Variants in DLGAP1 observed in about 807,000 individuals in gnomAD.
DLGAP1 encodes disks large-associated protein 1.
Under a neutral mutation model 90.8 loss-of-function variants are expected in DLGAP1, and 11 were observed. The ratio of observed to expected loss-of-function variants is 0.12; its 90% CI spans 0.08 to 0.20. The LOEUF is 0.20. DLGAP1 is among the 10% of genes least tolerant of loss of function. The pLI is 1.00. For missense variants in DLGAP1, 1,050 were observed against 1,333.8 expected, an observed-to-expected ratio of 0.79 and a Z score of 3.31; for synonymous variants, 558 against 540.7, an observed-to-expected ratio of 1.03 and a Z score of -0.44.
chr18:4,310,149 C>T (rs1299728603), intron 1 of DLGAP1, among the ~76,000 whole-genome samples: 4 of 152,136 alleles, frequency 2.6e-5, no homozygotes, highest in Non-Finnish European at 5.9e-5. Context: ...CTGTGAAGGA[C>T]TTATACCAGG....
At chr18:3,765,292 G>A (rs1292613674) in intron 5 of DLGAP1, among the ~76,000 whole-genome samples, 1 of 150,544 alleles carries the variant, frequency 6.6e-6, no homozygotes, top group African/African-American at 2.4e-5. Context: ...CACCACGCCT[G>A]GCTAGTTTTT....
chr18:3,638,249 T>C (rs2058797185), intron 7 of DLGAP1, among the ~76,000 whole-genome samples: 1 of 37,184 alleles, frequency 2.7e-5, no homozygotes, highest in East Asian at 0.012. Context: ...GCCCGGCCCT[T>C]TTTTTTTTTT....
chr18:4,061,878 C>G (rs2075303178), intron 2 of DLGAP1, among the ~76,000 whole-genome samples: 1 of 152,012 alleles, frequency 6.6e-6, no homozygotes. Flanking sequence ...TGTTTTAATC[C>G]TCTTGAAAAG....
At chr18:4,122,499 G>A (rs1206094168) in intron 2 of DLGAP1, among the ~76,000 whole-genome samples, 1 of 152,202 alleles carries the variant, frequency 6.6e-6, no homozygotes, top group Non-Finnish European at 1.5e-5. Context: ...GGTTAGTCAT[G>A]AGGTCTAACC....
intron 2 of DLGAP1, among the ~76,000 whole-genome samples, chr18:4,049,526 T>C (rs988663094): frequency 2.0e-5 from 3 of 152,134 alleles, no homozygotes; most frequent in Non-Finnish European, 4.4e-5. Flanking sequence ...TGAACCTGAC[T>C]TCCCTCTGGG....
At chr18:3,749,376 C>T (rs2063408137) in intron 5 of DLGAP1, among the ~76,000 whole-genome samples, 1 of 151,952 alleles carries the variant, frequency 6.6e-6, no homozygotes, top group African/African-American at 2.4e-5. Context: ...TGATCTTGAA[C>T]TCATGACCTC....
At chr18:3,680,408 C>T (rs897800177) in intron 7 of DLGAP1, among the ~76,000 whole-genome samples, 1 of 152,194 alleles carries the variant, frequency 6.6e-6, no homozygotes, top group Admixed American at 6.5e-5. Flanking sequence ...ATCACAGAGT[C>T]TCAGCTTTCT....
chr18:3,929,717 A>G (rs1053866385), intron 3 of DLGAP1, among the ~76,000 whole-genome samples: 1 of 152,208 alleles, frequency 6.6e-6, no homozygotes, highest in Non-Finnish European at 1.5e-5. Flanking sequence ...CAGTAATACA[A>G]CCAAATTTAT....
chr18:4,326,121 G>T (rs1213406310), intron 1 of DLGAP1, among the ~76,000 whole-genome samples: 1 of 152,020 alleles, frequency 6.6e-6, no homozygotes, highest in African/African-American at 2.4e-5. Context: ...ATCCCACGAA[G>T]ATCTAATATC....
chr18:4,278,165 T>C (rs549786387), intron 1 of DLGAP1, among the ~76,000 whole-genome samples: 10 of 152,320 alleles, frequency 6.6e-5, no homozygotes, highest in African/African-American at 1.2e-4. Context: ...TAAATATGTA[T>C]ACAAAAAGGC....
At chr18:3,997,592 T>A (rs1021207996) in intron 3 of DLGAP1, among the ~76,000 whole-genome samples, 6 of 152,114 alleles carry the variant, frequency 3.9e-5, no homozygotes, top group Non-Finnish European at 4.4e-5. Flanking sequence ...CTCTGTCCAG[T>A]GTATTTCCTG....
chr18:4,102,845 T>TAG (rs111789969), intron 2 of DLGAP1, among the ~76,000 whole-genome samples: 3,116 of 152,328 alleles, frequency 0.02, 86 homozygotes, highest in African/African-American at 0.06. Flanking sequence ...GTGCCAACAT[T>TAG]AGTGTTTTAA....
intron 2 of DLGAP1, among the ~76,000 whole-genome samples, chr18:4,033,388 A>G (rs2149133429): frequency 6.6e-6 from 1 of 152,208 alleles, no homozygotes; most frequent in East Asian, 1.9e-4. Context: ...ATTCCATAAA[A>G]TGGTTGTACC....
intron 4 of DLGAP1, among the ~76,000 whole-genome samples, chr18:3,861,434 T>C (rs28454972): frequency 7.0e-4 from 107 of 152,338 alleles, no homozygotes; most frequent in African/African-American, 2.5e-3. Context: ...TTATTTCTTC[T>C]GGGCACATGA....
intron 3 of DLGAP1, among the ~76,000 whole-genome samples, chr18:3,913,812 G>C (rs2072085094): frequency 6.6e-6 from 1 of 152,150 alleles, no homozygotes; most frequent in Admixed American, 6.5e-5. Flanking sequence ...TAGAAACATT[G>C]CATGGATGTT....
intron 2 of DLGAP1, among the ~76,000 whole-genome samples, chr18:4,132,376 T>C (rs1215350637): frequency 1.3e-5 from 2 of 152,156 alleles, no homozygotes; most frequent in Non-Finnish European, 1.5e-5. Flanking sequence ...AAAACGCTTA[T>C]TAATTGAGTG....
At chr18:3,928,000 C>A (rs1485681634) in intron 3 of DLGAP1, among the ~76,000 whole-genome samples, 1 of 152,180 alleles carries the variant, frequency 6.6e-6, no homozygotes, top group Non-Finnish European at 1.5e-5. Context: ...GACTTACCTG[C>A]TGGGGAATTT....
intron 1 of DLGAP1, among the ~76,000 whole-genome samples, chr18:4,227,179 C>A (rs1303041594): frequency 6.6e-6 from 1 of 151,870 alleles, no homozygotes; most frequent in African/African-American, 2.4e-5. Context: ...TATATATGCA[C>A]CCAACATTAG....
intron 2 of DLGAP1, among the ~76,000 whole-genome samples, chr18:4,051,396 A>G (rs1303585792): frequency 6.6e-6 from 1 of 152,216 alleles, no homozygotes. Context: ...GGAAGCAAGC[A>G]TGTCTTTCTT....
Sources: gnomAD v4.1 joint callset for allele counts (sites outside exome capture counted in the v4.1 genomes callset) on GRCh38, gnomAD v4.1.1 for gene constraint, MANE v1.5 for transcripts, NCBI Gene and HGNC (gene_info 2026-07-23, HGNC 2026-07-21) for gene names.